Variants in APOO observed in about 807,000 individuals in gnomAD.
APOO encodes apolipoprotein O.
In APOO, 11 loss-of-function variants were observed where a neutral mutation model predicts 23.1. The observed-to-expected ratio is 0.48, with a 90% CI of 0.30 to 0.79. The LOEUF (loss-of-function observed/expected upper bound fraction) is 0.79. APOO is among the 30% of genes least tolerant of loss of function. The pLI is 0.07. For missense variants in APOO, 160 were observed against 142.7 expected (o/e 1.12, Z -0.62); for synonymous variants, 59 against 54.8 (o/e 1.08, Z -0.34).
chrX:23,892,285 A>G (rs970549482), intron 1 of APOO, among the ~76,000 whole-genome samples: 1 of 100,777 alleles, frequency 9.9e-6, no homozygotes, highest in African/African-American at 3.6e-5. Context: ...GGAGTCTCGC[A>G]CTGTCGCCCA....
rs757873120 is a variant in APOO, at chrX:23,874,357, A to T, written c.292+46T>A. On this transcript the variant is annotated intron_variant, in intron 4 of 8. Coordinates refer to ENST00000379226, the MANE Select transcript of APOO (RefSeq NM_024122.5). ...TCATGGAACTCCGATTAAAGAGTTC[A>T]ATGTTAATGAAGTAGCTGATTATGC... 1.2e-5 allele frequency: 13 copies of T among 1,071,092 alleles called. No individual in the cohort carries two copies. The African/African-American group carries it at 2.4e-4, about 20-fold the overall frequency. 88.3% of individuals were successfully genotyped at this position (1,071,092 alleles called of 1,213,427 possible).
intron 1 of APOO, among the ~76,000 whole-genome samples, chrX:23,905,880 T>C (rs1927332190): frequency 8.9e-6 from 1 of 112,562 alleles, no homozygotes; most frequent in African/African-American, 3.2e-5. Flanking sequence ...AATATGAAAA[T>C]GTCTGTGACT....
rs758617922 is a variant in APOO at position 23,907,778 on chromosome X, C to T, written c.-76G>A. 5 of 1,066,926 alleles carry T rather than the reference C, an allele frequency of 4.7e-6. No individual in the cohort carries two copies. The East Asian group carries it at 1.8e-4, about 38-fold the overall frequency. 87.9% of individuals were successfully genotyped at this position (1,066,926 alleles called of 1,213,427 possible). On this transcript the variant is annotated 5_prime_UTR_variant, in exon 1 of 9. Coordinates refer to ENST00000379226, the MANE Select transcript of APOO (RefSeq NM_024122.5). ...CACTATAGAGAGGTGACTACGGAGG[C>T]CCGGTAGGGCCTTGATTTCTCCAAC...
rs754238744 is a variant in APOO, at chrX:23,889,959, C to T, written c.10-9007G>A. On this transcript the variant is annotated intron_variant, in intron 1 of 8. Coordinates refer to ENST00000379226, the MANE Select transcript of APOO (RefSeq NM_024122.5). ...TACAGGCGTCAGCCACCGCGCCTGG[C>T]CCACCTGGGGAATTTTTTAAAAGCA... Among the ~76,000 whole-genome samples the T allele has an allele frequency of 9.9e-5, 11 of 111,071 alleles. No homozygotes were observed. In the South Asian group the frequency reaches 3.7e-3, roughly 38 times the overall value.
intron 5 of APOO, among the ~76,000 whole-genome samples, chrX:23,861,103 G>A (rs1252637646): frequency 2.7e-5 from 3 of 111,255 alleles, no homozygotes; most frequent in Non-Finnish European, 3.8e-5. Flanking sequence ...CTATGCCACT[G>A]CACTCCAGCC....
chrX:23,853,441 A>G, intron 7 of APOO, among the ~76,000 whole-genome samples: 1 of 110,655 alleles, frequency 9.0e-6, no homozygotes, highest in Non-Finnish European at 1.9e-5. Flanking sequence ...TTTCCTTTAA[A>G]ACTTGTAATA....
At chrX:23,894,248 G>GA (rs1926801585) in intron 1 of APOO, among the ~76,000 whole-genome samples, 1 of 109,126 alleles carries the variant, frequency 9.2e-6, no homozygotes, top group African/African-American at 3.3e-5. Context: ...GGGTTTAAGC[G>GA]ATTCTCCTAC....
intron 1 of APOO, among the ~76,000 whole-genome samples, chrX:23,904,122 C>A (rs1298457729): frequency 8.9e-6 from 1 of 111,808 alleles, no homozygotes; most frequent in Non-Finnish European, 1.9e-5. Context: ...ACTCATATCT[C>A]ATCTAGCTTA....
At chrX:23,900,177 G>A (rs1042751136) in intron 1 of APOO, among the ~76,000 whole-genome samples, 2 of 112,373 alleles carry the variant, frequency 1.8e-5, no homozygotes, top group African/African-American at 6.5e-5. Context: ...TAAGTCCAGA[G>A]TGCTAACCTG....
At chrX:23,845,376 T>A (rs958642089) in intron 7 of APOO, among the ~76,000 whole-genome samples, 2 of 112,005 alleles carry the variant, frequency 1.8e-5, no homozygotes, top group African/African-American at 6.5e-5. Flanking sequence ...TAACATGACA[T>A]CTGCCCTCTT....
intron 7 of APOO, among the ~76,000 whole-genome samples, chrX:23,847,227 A>G (rs1924284855): frequency 8.9e-6 from 1 of 112,203 alleles, no homozygotes; most frequent in Admixed American, 9.5e-5. Context: ...GCAAAATGGG[A>G]CAGTTTGAAC....
rs185445785 is a variant in APOO at position 23,852,327 on chromosome X, G to A, written c.561+3975C>T. 7.5e-3 allele frequency among the ~76,000 whole-genome samples: 833 copies of A among 110,744 alleles called. 11 individuals carry two copies. The highest frequency in any genetic ancestry group is 0.026 in the African/African-American group (782 of 30,555). On this transcript the variant is annotated intron_variant, in intron 7 of 8. Transcript: ENST00000379226. ...AGAATACAAACAATTGGCCGGGCAC[G>A]GTGGCTCAAGCCTGTAATCCCAGCA...
intron 1 of APOO, among the ~76,000 whole-genome samples, chrX:23,893,048 A>G (rs922032484): frequency 3.6e-5 from 4 of 110,645 alleles, no homozygotes; most frequent in Non-Finnish European, 7.6e-5. Context: ...CAACAAAATG[A>G]TGAAGACAAT....
intron 7 of APOO, among the ~76,000 whole-genome samples, chrX:23,846,133 C>T (rs1295124044): frequency 2.0e-5 from 2 of 98,708 alleles, no homozygotes; most frequent in Admixed American, 1.1e-4. Flanking sequence ...GGCGAAACCC[C>T]GTCTCTACTA....
At chrX:23,900,674 CA>C (rs967658475) in intron 1 of APOO, among the ~76,000 whole-genome samples, 751 of 24,795 alleles carry the variant, frequency 0.03, 7 homozygotes, top group African/African-American at 0.095. Context: ...GACTCCGGCT[CA>C]AAAAAAAAAA....
rs977267624 is a variant in APOO at position 23,883,166 on chromosome X, T to G, written c.10-2214A>C. ...GAAGGGCGTGGTCCCTGGCTAGGGCTCCACCCCTGGGCCTGTGCCCACCAA... is the reference window on the plus strand; with the variant it reads ...GAAGGGCGTGGTCCCTGGCTAGGGCGCCACCCCTGGGCCTGTGCCCACCAA... On this transcript the variant is annotated intron_variant, in intron 1 of 8. Coordinates refer to ENST00000379226, the MANE Select transcript of APOO (RefSeq NM_024122.5). Among the ~76,000 whole-genome samples, 4 of 111,124 alleles carry G rather than the reference T, an allele frequency of 3.6e-5. 1 individual carries two copies. The Admixed American group carries it at 3.8e-4, about 11-fold the overall frequency.
intron 7 of APOO, among the ~76,000 whole-genome samples, chrX:23,855,032 CTT>C (rs1158922233): frequency 1.9e-5 from 2 of 102,572 alleles, no homozygotes; most frequent in Admixed American, 1.1e-4. Flanking sequence ...GGTTTTTTTT[CTT>C]TTTTTCTTTT....
chrX:23,881,910 C>T (rs374057386), intron 1 of APOO, among the ~76,000 whole-genome samples: 4 of 94,067 alleles, frequency 4.3e-5, no homozygotes, highest in South Asian at 5.5e-4. Context: ...ATTGTGCCAC[C>T]GCACTCCAGC....
chrX:23,846,310 C>CAA (rs1227084225), intron 7 of APOO, among the ~76,000 whole-genome samples: 1,645 of 33,865 alleles, frequency 0.049, 193 homozygotes, highest in African/African-American at 0.18. Context: ...GACTCCATCT[C>CAA]AAAAAAAAAA....
Sources: allele counts gnomAD v4.1 joint callset (sites outside exome capture counted in the v4.1 genomes callset), GRCh38; gene constraint gnomAD v4.1.1; transcripts MANE v1.5; gene names NCBI Gene and HGNC (gene_info 2026-07-23, HGNC 2026-07-21).